CEP85L: variants seen among roughly 807,000 people sequenced by gnomAD.
CEP85L encodes centrosomal protein of 85 kDa-like.
A neutral mutation model predicts 100.3 loss-of-function variants in CEP85L; 60 were observed. The ratio of observed to expected loss-of-function variants is 0.60; its 90% CI spans 0.49 to 0.74. The LOEUF (loss-of-function observed/expected upper bound fraction) is 0.74. Ranked by LOEUF, CEP85L falls within the 30% of genes least tolerant of loss-of-function variation. The probability of loss-of-function intolerance (pLI) is 0.00; values close to 1 mark genes in which losing one functional copy is unlikely to be tolerated. For synonymous variants in CEP85L, 319 were observed against 322.7 expected, an observed-to-expected ratio of 0.99 and a Z score of 0.12; for missense variants, 973 against 936.2, an observed-to-expected ratio of 1.04 and a Z score of -0.51.
chr6:118,648,739 CAA>C (rs11442696), intron 1 of CEP85L, among the ~76,000 whole-genome samples: 5 of 73,306 alleles, frequency 6.8e-5, no homozygotes, highest in Non-Finnish European at 8.9e-5. Context: ...AAGACTGTCT[CAA>C]AAAAAAAAAA....
chr6:118,694,207 G>A (rs891410665), intron 1 of CEP85L, among the ~76,000 whole-genome samples: 1 of 152,262 alleles, frequency 6.6e-6, no homozygotes, highest in Non-Finnish European at 1.5e-5. Flanking sequence ...AAACCAAAAT[G>A]TAATCAGTTA....
At chr6:118,627,344 G>T (rs1043833640) in intron 2 of CEP85L, among the ~76,000 whole-genome samples, 8 of 152,176 alleles carry the variant, frequency 5.3e-5, no homozygotes, top group African/African-American at 1.9e-4. Flanking sequence ...ATTAAGACCT[G>T]GTTTTCAGGC....
In CEP85L at chr6:118,483,789, CTT is replaced by C; in HGVS notation, c.1505_1506del (p.Lys502ArgfsTer7). On this transcript the variant is annotated frameshift_variant, in exon 7 of 13. Transcript: ENST00000368491. LOFTEE classifies it high-confidence loss of function. ...AAGGTCTCAATTCTTCTCTGCTTTTCTTTGTTTTGTTCAGATTCCTTCTGGCA... is the reference window on the plus strand; with the variant it reads ...AAGGTCTCAATTCTTCTCTGCTTTTCTGTTTTGTTCAGATTCCTTCTGGCA... ...KKCQKESEQN[K>X]EKQRRIETLE... 1 of 1,613,812 alleles carries C rather than the reference CTT, an allele frequency of 6.2e-7. No individual in the cohort carries two copies. Among genetic ancestry groups the C allele is most frequent in the Non-Finnish European group, 8.5e-7 (1 of 1,179,816 alleles).
chr6:118,675,844 A>C (rs1050632148), intron 1 of CEP85L, among the ~76,000 whole-genome samples: 16 of 152,210 alleles, frequency 1.1e-4, no homozygotes, highest in African/African-American at 3.9e-4. Context: ...ATTCAGAGAA[A>C]AGTGATAAAG....
At chr6:118,617,405 T>G (rs1260063210) in intron 2 of CEP85L, among the ~76,000 whole-genome samples, 1 of 152,202 alleles carries the variant, frequency 6.6e-6, no homozygotes, top group Non-Finnish European at 1.5e-5. Flanking sequence ...CCCAATTCCT[T>G]GTAAACACTG....
chr6:118,556,340 A>G (rs1778875196), intron 3 of CEP85L, among the ~76,000 whole-genome samples: 1 of 152,234 alleles, frequency 6.6e-6, no homozygotes, highest in Non-Finnish European at 1.5e-5. Flanking sequence ...AAAATTTGAT[A>G]GAAGTTGAGT....
chr6:118,531,087 G>A lies in CEP85L; in HGVS notation c.1021-7167C>T, dbSNP rs377738280. Among the ~76,000 whole-genome samples the A allele has an allele frequency of 3.5e-4, 53 of 152,182 alleles. 1 individual carries two copies. The South Asian group carries it at 9.7e-3, about 28-fold the overall frequency. On this transcript the variant is annotated intron_variant, in intron 3 of 12. Coordinates refer to ENST00000368491, the MANE Select transcript of CEP85L (RefSeq NM_001042475.3). ...AAAAGAATAAAGTTGGAGGTATAAC[G>A]TTACCCAACTTCAGACTATGCAACA... is the stretch of plus-strand genomic sequence containing the variant.
At chr6:118,509,791 T>C (rs1303783979) in intron 5 of CEP85L, among the ~76,000 whole-genome samples, 2 of 152,036 alleles carry the variant, frequency 1.3e-5, no homozygotes, top group African/African-American at 2.4e-5. Flanking sequence ...GTCTTTTTCT[T>C]TGGGAAATAA....
intron 1 of CEP85L, among the ~76,000 whole-genome samples, chr6:118,637,088 A>G (rs773897102): frequency 8.5e-5 from 13 of 152,194 alleles, no homozygotes; most frequent in Non-Finnish European, 1.8e-4. Context: ...CATCTACTCA[A>G]TATGATACCT....
chr6:118,656,422 C>A (rs546097957), upstream of CEP85L, among the ~76,000 whole-genome samples: 1 of 151,954 alleles, frequency 6.6e-6, no homozygotes, highest in African/African-American at 2.4e-5. Flanking sequence ...TGGAAAGATA[C>A]GATGTTAGGG....
intron 10 of CEP85L, among the ~76,000 whole-genome samples, chr6:118,471,715 A>G (rs1022654878): frequency 2.0e-5 from 3 of 151,968 alleles, no homozygotes; most frequent in African/African-American, 4.8e-5. Flanking sequence ...ATCAAACTCT[A>G]TAACAAGTGT....
chr6:118,673,846 CTT>C (rs149405473), intron 1 of CEP85L, among the ~76,000 whole-genome samples: 7,045 of 152,206 alleles, frequency 0.046, 197 homozygotes, highest in Admixed American at 0.061. Flanking sequence ...GAGGAATAAA[CTT>C]AAATGACCCC....
chr6:118,546,424 T>C (rs1778207409), intron 3 of CEP85L, among the ~76,000 whole-genome samples: 1 of 152,160 alleles, frequency 6.6e-6, no homozygotes, highest in Non-Finnish European at 1.5e-5. Context: ...AATTCTATTT[T>C]CTTAGAATGA....
chr6:118,567,381 AAATAGT>A (rs1263985803), intron 2 of CEP85L, among the ~76,000 whole-genome samples: 1 of 150,924 alleles, frequency 6.6e-6, no homozygotes, highest in Non-Finnish European at 1.5e-5. Flanking sequence ...TTTACCTCCA[AAATAGT>A]TGAGTTTCTA....
intron 2 of CEP85L, among the ~76,000 whole-genome samples, chr6:118,584,047 A>G (rs1443696568): frequency 6.6e-6 from 1 of 152,216 alleles, no homozygotes; most frequent in East Asian, 1.9e-4. Flanking sequence ...TGCCTCAGGG[A>G]TTTTGAAATA....
intron 5 of CEP85L, chr6:118,501,889 GA>G: frequency 8.3e-7 from 1 of 1,212,008 alleles, no homozygotes. Context: ...AAAATAAAAA[GA>G]AAGACAAAGA....
At chr6:118,559,272 A>C (rs1224182535) in intron 3 of CEP85L, 2 of 608,300 alleles carry the variant, frequency 3.3e-6, no homozygotes, top group Non-Finnish European at 6.0e-6. Flanking sequence ...GTAAACATGA[A>C]AAGGGCTTTA....
chr6:118,624,441 T>A (rs1002964492), intron 2 of CEP85L, among the ~76,000 whole-genome samples: 2 of 152,140 alleles, frequency 1.3e-5, no homozygotes, highest in African/African-American at 4.8e-5. Flanking sequence ...CAGAGCACCA[T>A]GACTCCCTTT....
chr6:118,521,521 T>C (rs1418583444), intron 4 of CEP85L, among the ~76,000 whole-genome samples: 3 of 152,230 alleles, frequency 2.0e-5, no homozygotes, highest in African/African-American at 7.2e-5. Context: ...TTACCCTTCC[T>C]ATATTACTAA....
Sources: allele counts gnomAD v4.1 joint callset (sites outside exome capture counted in the v4.1 genomes callset), GRCh38; gene constraint gnomAD v4.1.1; transcripts MANE v1.5; gene names NCBI Gene and HGNC (gene_info 2026-07-23, HGNC 2026-07-21).